NR6A1: variants seen among roughly 807,000 people sequenced by gnomAD.
NR6A1 encodes the protein nuclear receptor subfamily 6 group A member 1, also known as retinoic acid receptor-related testis-associated receptor.
Under a neutral mutation model 59.1 loss-of-function variants are expected in NR6A1, and 7 were observed. The ratio of observed to expected loss-of-function variants is 0.12; its 90% CI spans 0.07 to 0.22. NR6A1 has a LOEUF of 0.22. Ranked by LOEUF, NR6A1 falls within the 10% of genes least tolerant of loss-of-function variation. The pLI is 1.00. For synonymous variants in NR6A1, 243 were observed against 236.1 expected (o/e 1.03, Z -0.27); for missense variants, 468 against 611.6 (o/e 0.77, Z 2.48).
chr9:124,531,452 T>C (rs987343394), intron 7 of NR6A1, among the ~76,000 whole-genome samples: 4 of 152,186 alleles, frequency 2.6e-5, no homozygotes, highest in African/African-American at 9.7e-5. Flanking sequence ...AGGAACTCAC[T>C]TGCACTCAAG....
chr9:124,674,019 G>C (rs1837877385), intron 2 of NR6A1, among the ~76,000 whole-genome samples: 1 of 152,102 alleles, frequency 6.6e-6, no homozygotes, highest in Non-Finnish European at 1.5e-5. Context: ...GTGACCCTCA[G>C]CAAACGACTT....
intron 2 of NR6A1, among the ~76,000 whole-genome samples, chr9:124,623,320 G>A (rs1200521337): frequency 6.6e-6 from 1 of 152,026 alleles, no homozygotes; most frequent in Non-Finnish European, 1.5e-5. Context: ...TCAGAGGACT[G>A]AGAGGATAGT....
chr9:124,621,209 A>C (rs113341199), intron 2 of NR6A1, among the ~76,000 whole-genome samples: 80 of 152,362 alleles, frequency 5.3e-4, no homozygotes, highest in Non-Finnish European at 9.3e-4. Flanking sequence ...ATGTGCACTT[A>C]AGAAATCTGA....
At chr9:124,726,174 C>T (rs901557218) in intron 2 of NR6A1, among the ~76,000 whole-genome samples, 5 of 152,110 alleles carry the variant, frequency 3.3e-5, no homozygotes, top group African/African-American at 7.2e-5. Context: ...GGGGTCATGT[C>T]AAACCCTCAC....
intron 2 of NR6A1, among the ~76,000 whole-genome samples, chr9:124,695,858 A>C (rs1052322685): frequency 6.6e-6 from 1 of 152,244 alleles, no homozygotes; most frequent in Non-Finnish European, 1.5e-5. Flanking sequence ...TTGAACAAGC[A>C]TGCTATTTAT....
intron 2 of NR6A1, among the ~76,000 whole-genome samples, chr9:124,640,933 T>C (rs543431082): frequency 6.6e-6 from 1 of 152,300 alleles, no homozygotes; most frequent in African/African-American, 2.4e-5. Flanking sequence ...ACAACAGCAG[T>C]CCCTATAGAC....
At position 124,604,167 on chromosome 9, in the gene NR6A1, T is replaced by C. The variant is rs74433827; in HGVS notation, c.143-49597A>G. 3.6e-4 allele frequency among the ~76,000 whole-genome samples: 55 copies of C among 152,284 alleles called. No individual in the cohort carries two copies. In the East Asian group the frequency reaches 9.7e-3, roughly 27 times the overall value. ...TCAACTACACTCAGCAACTGAGCCT[T>C]ATCCTAGGTCCTGGAGTCAGGAACT... is the stretch of plus-strand genomic sequence containing the variant. On this transcript the variant is annotated intron_variant, in intron 2 of 9. Transcript: ENST00000487099.
chr9:124,576,816 G>T (rs980923287), intron 2 of NR6A1, among the ~76,000 whole-genome samples: 1 of 152,154 alleles, frequency 6.6e-6, no homozygotes, highest in African/African-American at 2.4e-5. Context: ...TTGAGATTAG[G>T]GAGGCCAAGA....
At position 124,719,378 on chromosome 9, in the gene NR6A1, A is replaced by G. The variant is rs72763305; in HGVS notation, c.142+13930T>C. On this transcript the variant is annotated intron_variant, in intron 2 of 9. Transcript: ENST00000487099. Reference sequence around the variant, plus strand: ...TGAGCTACCTCTCACCTGGCCTGTAATTTTAAATTTTATATTTTTAAATTT... The same window carrying G: ...TGAGCTACCTCTCACCTGGCCTGTAGTTTTAAATTTTATATTTTTAAATTT... Among the ~76,000 whole-genome samples the G allele has an allele frequency of 6.7e-3, 1,015 of 152,316 alleles. 5 individuals are homozygous for G. Among genetic ancestry groups the G allele is most frequent in the Non-Finnish European group, 0.011 (764 of 68,034 alleles).
At position 124,575,948 on chromosome 9, in the gene NR6A1, C is replaced by T. The variant is rs62581819; in HGVS notation, c.143-21378G>A. Among the ~76,000 whole-genome samples, 8 of 152,256 alleles carry T rather than the reference C, an allele frequency of 5.3e-5. No homozygotes were observed. The East Asian group carries it at 1.5e-3, about 29-fold the overall frequency. On this transcript the variant is annotated intron_variant, in intron 2 of 9. Transcript: ENST00000487099. ...AACCAAATAGGAATGTATGAAGGAG[C>T]GCCCAGGAATTGTAAAGTGCAGGGT...
chr9:124,745,622 G>C (rs1285732830), intron 1 of NR6A1, among the ~76,000 whole-genome samples: 1 of 148,936 alleles, frequency 6.7e-6, no homozygotes, highest in Non-Finnish European at 1.5e-5. Context: ...AGTGAGCCAA[G>C]ATCGTGCCAT....
chr9:124,760,709 G>A (rs151234015), intron 1 of NR6A1, among the ~76,000 whole-genome samples: 2 of 152,286 alleles, frequency 1.3e-5, no homozygotes, highest in Admixed American at 6.5e-5. Flanking sequence ...GAGTTAAGAC[G>A]ATAAATATAC....
At position 124,771,173 on chromosome 9, in the gene NR6A1, C is replaced by T. The variant is rs151059163; in HGVS notation, c.-54G>A. On this transcript the variant is annotated 5_prime_UTR_variant, in exon 1 of 10. Transcript: ENST00000487099. ...TTGTTGCTCCGCCATGACCGGCGCCCTAGTCGCCGTGGTCGTCGTCCGCCG... is the reference window on the plus strand; with the variant it reads ...TTGTTGCTCCGCCATGACCGGCGCCTTAGTCGCCGTGGTCGTCGTCCGCCG... The T allele has an allele frequency of 2.0e-5, 21 of 1,030,856 alleles. No homozygotes were observed. The African/African-American group carries it at 2.6e-4, about 13-fold the overall frequency. 63.9% of individuals were successfully genotyped at this position (1,030,856 alleles called of 1,614,324 possible).
At position 124,705,097 on chromosome 9, in the gene NR6A1, T is replaced by A. The variant is rs1019191871; in HGVS notation, c.142+28211A>T. ...TTCTTTGCTCTATTATTTATACGTA[T>A]GTTGTTTAATTTCAAATATTTGGAG... On this transcript the variant is annotated intron_variant, in intron 2 of 9. Transcript: ENST00000487099. Among the ~76,000 whole-genome samples the A allele has an allele frequency of 2.0e-5, 3 of 152,250 alleles. No homozygotes were observed. In the East Asian group the frequency reaches 5.8e-4, roughly 29 times the overall value.
intron 2 of NR6A1, among the ~76,000 whole-genome samples, chr9:124,602,838 A>C (rs932653306): frequency 7.9e-5 from 12 of 151,898 alleles, no homozygotes; most frequent in Non-Finnish European, 1.6e-4. Context: ...TCCCTCTATA[A>C]CCCAGCTCTT....
intron 1 of NR6A1, among the ~76,000 whole-genome samples, chr9:124,747,793 T>C (rs1457123139): frequency 1.3e-5 from 2 of 152,120 alleles, no homozygotes; most frequent in Non-Finnish European, 2.9e-5. Context: ...CACCAGGACA[T>C]TTTCATTCTC....
chr9:124,654,602 G>T (rs545651504), intron 2 of NR6A1, among the ~76,000 whole-genome samples: 1 of 152,016 alleles, frequency 6.6e-6, no homozygotes, highest in East Asian at 1.9e-4. Flanking sequence ...TCATGACTTG[G>T]CTCTCAGCTT....
intron 1 of NR6A1, among the ~76,000 whole-genome samples, chr9:124,741,865 G>A (rs971346249): frequency 1.3e-5 from 2 of 152,186 alleles, no homozygotes; most frequent in Non-Finnish European, 2.9e-5. Flanking sequence ...TCAATGATAT[G>A]ATGCACTGAG....
At chr9:124,624,968 A>G (rs1836192517) in intron 2 of NR6A1, among the ~76,000 whole-genome samples, 1 of 150,560 alleles carries the variant, frequency 6.6e-6, no homozygotes, top group Non-Finnish European at 1.5e-5. Context: ...ATCTGAAAAC[A>G]AAATCTTTAG....
Sources: gnomAD v4.1 joint callset for allele counts (sites outside exome capture counted in the v4.1 genomes callset) on GRCh38, gnomAD v4.1.1 for gene constraint, MANE v1.5 for transcripts, NCBI Gene and HGNC (gene_info 2026-07-23, HGNC 2026-07-21) for gene names.